The following TKTL1 variants were observed in gnomAD, a reference collection of about 807,000 sequenced individuals.
The protein encoded by TKTL1 is transketolase like 1, also known as transketolase-like protein 1.
In TKTL1, 1 loss-of-function variant was observed where a neutral mutation model predicts 39.3. That is an observed-to-expected ratio of 0.03 (90% CI 0.01 to 0.12). The LOEUF (loss-of-function observed/expected upper bound fraction) is 0.12. Ranked by LOEUF, TKTL1 falls within the 10% of genes least tolerant of loss-of-function variation. TKTL1 has a pLI of 1.00. For missense variants in TKTL1, 575 were observed against 509.6 expected (o/e 1.13, Z -1.24); for synonymous variants, 262 against 193.8 (o/e 1.35, Z -2.92).
At chrX:154,319,222 T>G (rs2067429359) in intron 7 of TKTL1, among the ~76,000 whole-genome samples, 1 of 112,578 alleles carries the variant, frequency 8.9e-6, no homozygotes, top group South Asian at 3.6e-4. Context: ...AGTCAAAAAA[T>G]CACATAGTGA....
chrX:154,322,523 T>A (rs782497501), intron 8 of TKTL1, among the ~76,000 whole-genome samples: 4 of 110,641 alleles, frequency 3.6e-5, no homozygotes, highest in Non-Finnish European at 5.7e-5. Context: ...AGAGCGAGAC[T>A]CTGTCTCAAA....
In TKTL1 at chrX:154,312,573, A is replaced by G. The variant is rs782129044; in HGVS notation, c.671-7A>G. On this transcript the variant is annotated splice_polypyrimidine_tract_variant and splice_region_variant and intron_variant, in intron 5 of 12. Transcript: ENST00000369915. Reference sequence around the variant, plus strand: ...GGAATGGATGTCTTTTGTTTGTTTCATTACAGGTATTGAGGATGCAGAAAG... The same window carrying G: ...GGAATGGATGTCTTTTGTTTGTTTCGTTACAGGTATTGAGGATGCAGAAAG... 12 of 1,201,233 alleles carry G rather than the reference A, an allele frequency of 1.0e-5. No individual in the cohort carries two copies. The highest frequency in any genetic ancestry group is 1.8e-5 in the African/African-American group (1 of 56,888).
In TKTL1 at chrX:154,307,126, A is replaced by G. The variant is rs187878422; in HGVS notation, c.252+1705A>G. ...AGTGTCTACAAAAAATACGAAAATT[A>G]GCTGGGCGTGGTGGTGCGTGCCTGC... is the stretch of plus-strand genomic sequence containing the variant. On this transcript the variant is annotated intron_variant, in intron 2 of 12. Coordinates refer to ENST00000369915, the MANE Select transcript of TKTL1 (RefSeq NM_012253.4). 2.5e-4 allele frequency among the ~76,000 whole-genome samples: 28 copies of G among 110,267 alleles called. 1 individual carries two copies. Among genetic ancestry groups the G allele is most frequent in the Admixed American group, 9.7e-4 (10 of 10,311 alleles).
chrX:154,323,471 A>C, intron 9 of TKTL1, 134 bp downstream of exon 9: 1 of 751,508 alleles, frequency 1.3e-6, no homozygotes, highest in East Asian at 3.3e-5. Context: ...AGAATTCTTT[A>C]CAAAAAAAAC....
intron 5 of TKTL1, among the ~76,000 whole-genome samples, 158 bp from the exon 6 acceptor site, chrX:154,312,422 C>G (rs1557168529): frequency 8.9e-6 from 1 of 112,506 alleles, no homozygotes; most frequent in Non-Finnish European, 1.9e-5. Context: ...CCAAGCTGTT[C>G]TCTCTGGCTG....
chrX:154,314,693 T>G (rs2067383967), intron 6 of TKTL1, among the ~76,000 whole-genome samples: 1 of 110,671 alleles, frequency 9.0e-6, no homozygotes, highest in African/African-American at 3.3e-5. Flanking sequence ...CCCAGCTAAT[T>G]TTTGTATTTT....
rs1247980080 is a variant in TKTL1 at position 154,317,537 on chromosome X, C to T, written c.1029+2200C>T. On this transcript the variant is annotated intron_variant, in intron 7 of 12. Transcript: ENST00000369915. Reference sequence around the variant, plus strand: ...GGTCATACGGGGTCTTATAGGCGCCCTTTTCAGTATCTCTGGTTCTCTTGC... The same window carrying T: ...GGTCATACGGGGTCTTATAGGCGCCTTTTTCAGTATCTCTGGTTCTCTTGC... 6.2e-5 allele frequency among the ~76,000 whole-genome samples: 7 copies of T among 112,297 alleles called. 1 individual carries two copies. In the Middle Eastern group the frequency reaches 0.018, roughly 296 times the overall value.
At chrX:154,324,188 C>T (rs1284618238) in intron 9 of TKTL1, among the ~76,000 whole-genome samples, 2 of 111,134 alleles carry the variant, frequency 1.8e-5, no homozygotes, top group East Asian at 2.8e-4. Context: ...ACTCTGTCGC[C>T]CAGGCTGGAG....
chrX:154,300,738 C>T (rs1482318163), intron 1 of TKTL1, among the ~76,000 whole-genome samples: 1 of 110,999 alleles, frequency 9.0e-6, no homozygotes, highest in Non-Finnish European at 1.9e-5. Context: ...TTTCTGTCAC[C>T]CAGGCTGGAG....
intron 6 of TKTL1, among the ~76,000 whole-genome samples, chrX:154,314,305 T>C (rs1179307018): frequency 6.3e-5 from 7 of 111,732 alleles, no homozygotes; most frequent in African/African-American, 2.3e-4. Flanking sequence ...CAGAGCAACT[T>C]TCTTTATGAA....
chrX:154,309,568 G>A (rs1320917700), intron 3 of TKTL1, 126 bp downstream of exon 3: 8 of 573,155 alleles, frequency 1.4e-5, no homozygotes, highest in Middle Eastern at 9.4e-4. Flanking sequence ...ATCACATCCC[G>A]TGGTGACCCC....
At chrX:154,302,610 T>C (rs1322894782) in intron 1 of TKTL1, among the ~76,000 whole-genome samples, 3 of 111,837 alleles carry the variant, frequency 2.7e-5, no homozygotes, top group Non-Finnish European at 5.6e-5. Context: ...ACTGTCACAC[T>C]GGCATTAGGA....
At chrX:154,320,186 G>A (rs1326395004) in intron 7 of TKTL1, 3 of 112,712 alleles carry the variant, frequency 2.7e-5, no homozygotes, top group Admixed American at 1.9e-4. Flanking sequence ...TTGTGGCTTC[G>A]AGGTCCCTTG....
At chrX:154,296,317 C>T (rs988347084) in intron 1 of TKTL1, among the ~76,000 whole-genome samples, 8 of 110,896 alleles carry the variant, frequency 7.2e-5, no homozygotes, top group African/African-American at 9.9e-5. Flanking sequence ...ACTGAGGTGG[C>T]GGGAGAATGT....
chrX:154,323,919 T>C (rs920811598), intron 9 of TKTL1, among the ~76,000 whole-genome samples: 15 of 112,755 alleles, frequency 1.3e-4, no homozygotes, highest in African/African-American at 4.8e-4. Context: ...GACGAGGCAG[T>C]GTGGTCTTGA....
intron 8 of TKTL1, 115 bp downstream of exon 8, chrX:154,321,028 A>G (rs2067446017): frequency 5.5e-6 from 5 of 915,140 alleles, no homozygotes; most frequent in East Asian, 3.1e-5. Flanking sequence ...TGATTATTCA[A>G]GCCTTTTTCT....
chrX:154,321,283 T>C (rs1557170736), intron 8 of TKTL1, among the ~76,000 whole-genome samples: 4 of 109,839 alleles, frequency 3.6e-5, no homozygotes, highest in African/African-American at 1.3e-4. Flanking sequence ...GCATTCTGGC[T>C]GGCTGCACAG....
chrX:154,323,434 G>A (rs1266524721), intron 9 of TKTL1, 97 bp downstream of exon 9: 1 of 952,818 alleles, frequency 1.0e-6, no homozygotes, highest in Non-Finnish European at 1.4e-6. Context: ...ACATAAAAGT[G>A]ATATTCATTA....
In TKTL1 at chrX:154,324,660, G is replaced by A. The variant is rs901982417; in HGVS notation, c.1318-679G>A. Among the ~76,000 whole-genome samples the A allele has an allele frequency of 6.3e-5, 7 of 111,477 alleles. No homozygotes were observed. The East Asian group carries it at 8.4e-4, about 13-fold the overall frequency. The stretch of plus-strand genomic sequence containing the variant: ...TGGGCTTGGATGAGGGCTCCACGGC[G>A]GATGCAGCATTCAGGAAGGGCTGAA... On this transcript the variant is annotated intron_variant, in intron 9 of 12. Coordinates refer to ENST00000369915, the MANE Select transcript of TKTL1 (RefSeq NM_012253.4).
Sources: allele counts gnomAD v4.1 joint callset (sites outside exome capture counted in the v4.1 genomes callset), GRCh38; gene constraint gnomAD v4.1.1; transcripts MANE v1.5; gene names NCBI Gene and HGNC (gene_info 2026-07-23, HGNC 2026-07-21).